CORO7: variants seen among roughly 807,000 people sequenced by gnomAD.
The protein encoded by CORO7 is coronin-7.
In CORO7, 107 loss-of-function variants were observed where a neutral mutation model predicts 126.6. The observed-to-expected ratio is 0.85, with a 90% CI of 0.72 to 0.99. CORO7 has a LOEUF of 0.99. CORO7 is among the 50% of genes least tolerant of loss of function. The probability of loss-of-function intolerance (pLI) is 0.00; values close to 1 mark genes in which losing one functional copy is unlikely to be tolerated. For missense variants in CORO7, 1,314 were observed against 1,255.8 expected (o/e 1.05, Z -0.70); for synonymous variants, 603 against 536.8 (o/e 1.12, Z -1.70).
chr16:4,402,911 A>ATC (rs1343936843), intron 6 of CORO7, among the ~76,000 whole-genome samples: 1 of 151,814 alleles, frequency 6.6e-6, no homozygotes, highest in African/African-American at 2.4e-5. Flanking sequence ...AGTAGCTGAG[A>ATC]GGGAGCAGGA....
chr16:4,380,876 A>C, intron 9 of CORO7: 1 of 1,516,644 alleles, frequency 6.6e-7, no homozygotes, highest in Non-Finnish European at 8.8e-7. Flanking sequence ...CAGGGACAGA[A>C]GATGTGCTCC....
Position 4,412,367 on chromosome 16 carries a change from C to T in CORO7, c.221G>A (p.Gly74Asp). 6.2e-7 allele frequency: 1 copy of T among 1,614,184 alleles called. No homozygotes were observed. Among genetic ancestry groups the T allele is most frequent in the Non-Finnish European group, 8.5e-7 (1 of 1,180,016 alleles). ...AGACACCCACTCACCTGAATGGCAG[C>T]CCAGGTGGGCCACGCGTCGCTTGTC... Reference protein sequence around the residue: ...GEDKRRVAHLGCHSDLVTDLD... With the variant: ...GEDKRRVAHLDCHSDLVTDLD... Residue 74 changes from glycine (G) to aspartate (D), a missense_variant, in exon 3 of 28, where the codon GGC (glycine) becomes GAC (aspartate). By Grantham distance (94) the Gly-to-Asp change is moderately conservative. Transcript: ENST00000251166.
chr16:4,412,244 A>AG, intron 3 of CORO7, 112 bp downstream of exon 3: 1 of 1,165,948 alleles, frequency 8.6e-7, no homozygotes, highest in Non-Finnish European at 1.3e-6. Context: ...ACAGGGCGAC[A>AG]GGAGGGACCT....
At chr16:4,381,117 C>A in intron 9 of CORO7, 1 of 1,609,766 alleles carries the variant, frequency 6.2e-7, no homozygotes, top group African/African-American at 1.3e-5. Flanking sequence ...GCCTGCAGCT[C>A]CTGGACCTGT....
At position 4,362,642 on chromosome 16, in the gene CORO7, GGCTGGTCCCGATGCCACTGGT is replaced by G; in HGVS notation, c.1351_1371del (p.Thr451_Ser457del). On this transcript the variant is annotated inframe_deletion, in exon 15 of 28. Transcript: ENST00000251166. This position sits in a 1 kb window ranked among gnomAD's most constrained non-coding sequence, Gnocchi z 5.3. ...AGGCTCTGCAGCGACCTCAAACTGG[GGCTGGTCCCGATGCCACTGGT>G]GCTGGAGAGTGAGGGCCCCAGGCTG... 6.4e-7 allele frequency: 1 copy of G among 1,560,066 alleles called. No individual in the cohort carries two copies.
chr16:4,381,998 G>A lies in CORO7; in HGVS notation c.785+5988C>T, dbSNP rs764080084. On this transcript the variant is annotated intron_variant, in intron 9 of 27. Transcript: ENST00000251166. ...CGGGAGCCCACAGCCTTGTCTTCTAGCTTGGCTCCTACCTGGCTTAGCCCC... is the reference window on the plus strand; with the variant it reads ...CGGGAGCCCACAGCCTTGTCTTCTAACTTGGCTCCTACCTGGCTTAGCCCC... 3 of 1,606,440 alleles carry A rather than the reference G, an allele frequency of 1.9e-6. No homozygotes were observed. Among genetic ancestry groups the A allele is most frequent in the South Asian group, 1.1e-5 (1 of 90,334 alleles).
chr16:4,386,352 G>T (rs2055193547), intron 9 of CORO7, among the ~76,000 whole-genome samples: 1 of 152,226 alleles, frequency 6.6e-6, no homozygotes, highest in African/African-American at 2.4e-5. Context: ...GCTTTCAGGG[G>T]ATGGGGACCC....
In CORO7 at chr16:4,358,068, C is replaced by G; in HGVS notation, c.2493G>C (p.Thr831=). Residue 831 remains threonine, a synonymous_variant, in exon 25 of 28, where the codon ACG becomes ACC. Transcript: ENST00000251166. ...TGAGCACAGGCTCCCAGATCACAGC[C>G]GTGTCTGGGAACACGTCATCCTGGA... ...EFFQDDVFPD[T]AVIWEPVLSA... 6.2e-7 allele frequency: 1 copy of G among 1,612,942 alleles called. No individual in the cohort carries two copies. Among genetic ancestry groups the G allele is most frequent in the Non-Finnish European group, 8.5e-7 (1 of 1,179,270 alleles).
intron 24 of CORO7, 104 bp from the exon 25 acceptor site, chr16:4,358,207 G>A (rs1449788742): frequency 6.5e-7 from 1 of 1,542,002 alleles, no homozygotes; most frequent in African/African-American, 1.4e-5. Context: ...CCTCCCACCA[G>A]CCTGGGGCTT....
intron 23 of CORO7, 117 bp from the exon 24 acceptor site, chr16:4,358,600 C>T: frequency 1.1e-6 from 1 of 910,886 alleles, no homozygotes; most frequent in Admixed American, 2.7e-5. Flanking sequence ...GGGCCTGTCC[C>T]TGGACAGTAA....
rs2056238788 is a variant in CORO7 at position 4,412,246 on chromosome 16, G to C, written c.232+110C>G. ...AGAGAGTGCACAGACAGGGCGACAG[G>C]AGGGACCTGGCAAGCCATGCGGCAG... On this transcript the variant is annotated intron_variant, in intron 3 of 27. Coordinates refer to ENST00000251166, the MANE Select transcript of CORO7 (RefSeq NM_024535.5). 5.0e-6 allele frequency: 6 copies of C among 1,192,870 alleles called. No individual in the cohort carries two copies. The South Asian group carries it at 7.9e-5, about 16-fold the overall frequency. 73.9% of individuals were successfully genotyped at this position (1,192,870 alleles called of 1,614,324 possible). A position where few individuals can be genotyped will look rare whatever the true frequency, so the allele number is the denominator to read the frequency against.
chr16:4,379,875 T>A (rs1231810112), intron 9 of CORO7, among the ~76,000 whole-genome samples: 5 of 118,110 alleles, frequency 4.2e-5, no homozygotes, highest in Non-Finnish European at 7.3e-5. Flanking sequence ...AAACCCTGTC[T>A]CTACTAAAAA....
At chr16:4,403,174 G>A (rs1274460799) in intron 6 of CORO7, among the ~76,000 whole-genome samples, 2 of 152,108 alleles carry the variant, frequency 1.3e-5, no homozygotes, top group Non-Finnish European at 2.9e-5. Context: ...TGTGGGGTGG[G>A]CCCATCCAGC....
At chr16:4,390,641 C>CT (rs2055355042) in intron 7 of CORO7, among the ~76,000 whole-genome samples, 1 of 152,194 alleles carries the variant, frequency 6.6e-6, no homozygotes, top group South Asian at 2.1e-4. Flanking sequence ...CCACTGAGCA[C>CT]TTTTCACCTA....
chr16:4,405,081 C>T (rs1312982551), intron 6 of CORO7, among the ~76,000 whole-genome samples: 2 of 152,206 alleles, frequency 1.3e-5, no homozygotes, highest in African/African-American at 4.8e-5. Context: ...GCCCAGGTCA[C>T]GGGTCCTCTT....
At chr16:4,386,163 G>T (rs1240851181) in intron 9 of CORO7, among the ~76,000 whole-genome samples, 1 of 152,214 alleles carries the variant, frequency 6.6e-6, no homozygotes, top group African/African-American at 2.4e-5. Context: ...CGGGGGCAGA[G>T]GGGAGAGGAC....
chr16:4,381,042 G>A (rs1330038361), intron 9 of CORO7: 3 of 1,610,660 alleles, frequency 1.9e-6, no homozygotes, highest in Non-Finnish European at 2.5e-6. Flanking sequence ...CCGACACGGT[G>A]GGGCTGTACG....
In CORO7 at chr16:4,360,472, C is replaced by T; in HGVS notation, c.1994G>A (p.Arg665Lys). ...VCKDGRVRVY[R>K]PRSGPEPLQE... ...CAGGGGCTCAGGGCCACTCCGGGGC[C>T]TGTAGACCCGCACACGCCCATCCTT... Residue 665 changes from arginine to lysine, a missense_variant, in exon 20 of 28, where the codon AGG becomes AAG. Coordinates refer to ENST00000251166, the MANE Select transcript of CORO7 (RefSeq NM_024535.5). 3 of 1,612,498 alleles carry T rather than the reference C, an allele frequency of 1.9e-6. No homozygotes were observed. The Admixed American group carries it at 5.0e-5, about 27-fold the overall frequency.
intron 16 of CORO7, 140 bp downstream of exon 16, chr16:4,361,845 G>A: frequency 2.2e-6 from 3 of 1,351,114 alleles, no homozygotes; most frequent in Non-Finnish European, 3.1e-6. Context: ...ATGGCAGGTG[G>A]CTGGGAGGAT....
Sources: allele counts gnomAD v4.1 joint callset (sites outside exome capture counted in the v4.1 genomes callset), GRCh38; gene constraint gnomAD v4.1.1; non-coding constraint Gnocchi (gnomAD v3.1); transcripts MANE v1.5; gene names NCBI Gene and HGNC (gene_info 2026-07-23, HGNC 2026-07-21).